GTSF1: variants seen among roughly 807,000 people sequenced by gnomAD.
GTSF1 encodes gametocyte-specific factor 1.
A neutral mutation model predicts 28.9 loss-of-function variants in GTSF1; 11 were observed. The observed-to-expected ratio is 0.38, with a 90% CI of 0.24 to 0.63. The LOEUF is 0.63. Among genes scored for constraint, GTSF1 ranks in the 30% least tolerant of loss-of-function variants. The pLI is 0.56. For missense variants in GTSF1, 146 were observed against 201.0 expected, an observed-to-expected ratio of 0.73 and a Z score of 1.66; for synonymous variants, 69 against 65.6, an observed-to-expected ratio of 1.05 and a Z score of -0.25.
chr12:54,457,037 A>C (rs1181633730), intron 8 of GTSF1, among the ~76,000 whole-genome samples: 1 of 152,204 alleles, frequency 6.6e-6, no homozygotes, highest in Non-Finnish European at 1.5e-5. Context: ...GTGAGCCGAG[A>C]TTGCGCCACT....
chr12:54,465,261 G>C, intron 2 of GTSF1, 94 bp from the exon 3 acceptor site: 1 of 743,832 alleles, frequency 1.3e-6, no homozygotes, highest in East Asian at 2.7e-5. Flanking sequence ...AAGAGACTCT[G>C]TAATAATAGA....
At chr12:54,470,279 G>A (rs919392960) in intron 2 of GTSF1, among the ~76,000 whole-genome samples, 1 of 152,196 alleles carries the variant, frequency 6.6e-6, no homozygotes, top group Admixed American at 6.5e-5. Flanking sequence ...TGTTAGAAAT[G>A]CAAATTCTCA....
chr12:54,464,857 C>T, intron 3 of GTSF1: 1 of 378,704 alleles, frequency 2.6e-6, no homozygotes, highest in Non-Finnish European at 4.9e-6. Flanking sequence ...GGTTCTTTGT[C>T]ACTAGTTAAT....
intron 6 of GTSF1, among the ~76,000 whole-genome samples, chr12:54,461,825 T>C (rs563619616): frequency 2.0e-5 from 3 of 152,328 alleles, no homozygotes; most frequent in African/African-American, 7.2e-5. Flanking sequence ...ATTAAAATAA[T>C]GTAAACCTAG....
chr12:54,462,238 T>G (rs552845531), intron 5 of GTSF1, 66 bp from the exon 6 acceptor site: 2 of 1,157,246 alleles, frequency 1.7e-6, no homozygotes, highest in East Asian at 4.7e-5. Context: ...TCATGTTGGT[T>G]GAATTTATAA....
intron 5 of GTSF1, 83 bp downstream of exon 5, chr12:54,462,559 A>G (rs1228247703): frequency 1.7e-6 from 2 of 1,185,358 alleles, no homozygotes; most frequent in East Asian, 4.7e-5. Context: ...GTATGTTCAT[A>G]AAAAAGGAAA....
chr12:54,472,982 C>T (rs1462789360), intron 1 of GTSF1, among the ~76,000 whole-genome samples: 1 of 152,138 alleles, frequency 6.6e-6, no homozygotes, highest in African/African-American at 2.4e-5. Flanking sequence ...GATTCAGCAG[C>T]TTGTAGGAAG....
chr12:54,466,355 G>C (rs909369675), intron 2 of GTSF1, among the ~76,000 whole-genome samples: 13 of 152,208 alleles, frequency 8.5e-5, no homozygotes, highest in African/African-American at 2.9e-4. Flanking sequence ...GTGGGGAATT[G>C]AAACAGACAG....
rs550728496 is a variant in GTSF1 at position 54,463,338 on chromosome 12, C to G, written c.118-41G>C. 56 of 1,608,116 alleles carry G rather than the reference C, an allele frequency of 3.5e-5. 1 individual carries two copies. In the South Asian group the frequency reaches 5.7e-4, roughly 17 times the overall value. ...TAAGGGATCTGTCAGTTCTCTGGAT[C>G]TACTAAAGTCAACAGGGAGTAGCTA... On this transcript the variant is annotated intron_variant, in intron 3 of 8. Transcript: ENST00000305879.
intron 3 of GTSF1, chr12:54,464,556 T>C (rs893927026): frequency 6.6e-6 from 1 of 152,452 alleles, no homozygotes; most frequent in Admixed American, 6.5e-5. Flanking sequence ...GCTAAGTCTA[T>C]ACAAGAGTGA....
At chr12:54,456,913 C>T (rs1179024764) in intron 8 of GTSF1, among the ~76,000 whole-genome samples, 1 of 152,004 alleles carries the variant, frequency 6.6e-6, no homozygotes, top group Admixed American at 6.6e-5. Context: ...GGTGAAACAC[C>T]ATCTCTACTA....
At chr12:54,459,736 T>G (rs1956391379) in intron 7 of GTSF1, 2 of 145,268 alleles carry the variant, frequency 1.4e-5, no homozygotes, top group African/African-American at 7.4e-5. Flanking sequence ...TTTTTTTTTT[T>G]TTTTTTTTGA....
At chr12:54,472,316 C>T (rs1396432972) in intron 1 of GTSF1, 5 of 152,202 alleles carry the variant, frequency 3.3e-5, no homozygotes, top group African/African-American at 1.2e-4. Context: ...GGTTTCACCT[C>T]CTCTCATCCC....
At chr12:54,457,843 A>G (rs539284499) in intron 8 of GTSF1, among the ~76,000 whole-genome samples, 1 of 152,308 alleles carries the variant, frequency 6.6e-6, no homozygotes, top group South Asian at 2.1e-4. Flanking sequence ...TGTATTTAAC[A>G]ATTTGACGTC....
intron 1 of GTSF1, chr12:54,471,775 T>C (rs766986855): frequency 1.3e-5 from 2 of 152,292 alleles, no homozygotes; most frequent in Non-Finnish European, 2.9e-5. Flanking sequence ...ATCCTAGCAC[T>C]CTGGGAGGCT....
chr12:54,459,757 C>T (rs1038218309), intron 7 of GTSF1, among the ~76,000 whole-genome samples: 7 of 106,018 alleles, frequency 6.6e-5, no homozygotes, highest in South Asian at 3.1e-4. Context: ...GACGGAGTCT[C>T]GCTCTGTCGC....
intron 5 of GTSF1, 104 bp from the exon 6 acceptor site, chr12:54,462,276 C>A: frequency 1.3e-6 from 1 of 785,282 alleles, no homozygotes; most frequent in Non-Finnish European, 2.2e-6. Context: ...CTAAGTTTTG[C>A]AGAAGCAAGT....
intron 2 of GTSF1, chr12:54,466,763 G>C (rs1362982980): frequency 6.6e-6 from 1 of 151,044 alleles, no homozygotes; most frequent in African/African-American, 2.4e-5. Flanking sequence ...CAGCACTTTA[G>C]GTCAACTTTA....
chr12:54,465,250 CAA>C (rs1490965061), intron 2 of GTSF1, 83 bp from the exon 3 acceptor site: 1 of 837,160 alleles, frequency 1.2e-6, no homozygotes, highest in Admixed American at 1.9e-5. Context: ...TGGATTTTTT[CAA>C]GAGACTCTGT....
Sources: gnomAD v4.1 joint callset for allele counts (sites outside exome capture counted in the v4.1 genomes callset) on GRCh38, gnomAD v4.1.1 for gene constraint, MANE v1.5 for transcripts, NCBI Gene and HGNC (gene_info 2026-07-23, HGNC 2026-07-21) for gene names.